The following UBE2H variants were observed in gnomAD, a reference collection of about 807,000 sequenced individuals.
The protein encoded by UBE2H is ubiquitin-conjugating enzyme E2 H.
In UBE2H, 3 loss-of-function variants were observed where a neutral mutation model predicts 29.0. The ratio of observed to expected loss-of-function variants is 0.10; its 90% CI spans 0.05 to 0.27. UBE2H has a LOEUF of 0.27. Among genes scored for constraint, UBE2H ranks in the 10% least tolerant of loss-of-function variants. The pLI is 1.00. For missense variants in UBE2H, 68 were observed against 228.2 expected, an observed-to-expected ratio of 0.30 and a Z score of 4.52; for synonymous variants, 69 against 82.9, an observed-to-expected ratio of 0.83 and a Z score of 0.91.
intron 1 of UBE2H, among the ~76,000 whole-genome samples, chr7:129,894,817 C>A (rs2464894): frequency 1.3e-5 from 2 of 151,384 alleles, no homozygotes; most frequent in African/African-American, 4.9e-5. Context: ...TTTTTAACTT[C>A]TTTTCTCAAA....
At chr7:129,911,934 T>C (rs1013571036) in intron 1 of UBE2H, among the ~76,000 whole-genome samples, 4 of 152,022 alleles carry the variant, frequency 2.6e-5, no homozygotes, top group Admixed American at 2.6e-4. Flanking sequence ...TGAGCCACCA[T>C]ACCGGGTCTA....
chr7:129,867,005 C>T (rs1805917395), intron 3 of UBE2H, among the ~76,000 whole-genome samples: 1 of 152,192 alleles, frequency 6.6e-6, no homozygotes, highest in African/African-American at 2.4e-5. Flanking sequence ...ATCTTACTGT[C>T]TTCATCCTAA....
chr7:129,948,716 T>C (rs2116536064), intron 1 of UBE2H, among the ~76,000 whole-genome samples: 1 of 152,336 alleles, frequency 6.6e-6, no homozygotes, highest in African/African-American at 2.4e-5. Context: ...AGAAGAATCA[T>C]TGAAAACTCT....
chr7:129,892,985 A>G (rs543734022), intron 1 of UBE2H, among the ~76,000 whole-genome samples: 6 of 152,230 alleles, frequency 3.9e-5, no homozygotes, highest in Non-Finnish European at 5.9e-5. Flanking sequence ...CACTTATTTA[A>G]AAATAGCCAT....
At chr7:129,891,214 T>G (rs1408555328) in intron 1 of UBE2H, among the ~76,000 whole-genome samples, 1 of 151,962 alleles carries the variant, frequency 6.6e-6, no homozygotes, top group Admixed American at 6.6e-5. Flanking sequence ...AGACGGAGTT[T>G]CACTCTTGTT....
intron 1 of UBE2H, among the ~76,000 whole-genome samples, chr7:129,919,011 G>C (rs1807100110): frequency 6.6e-6 from 1 of 150,680 alleles, no homozygotes. Context: ...TTGAGCCCGA[G>C]AGGTCGAGGC....
In UBE2H at chr7:129,832,494, A is replaced by G. The variant is rs1301651507; in HGVS notation, c.*2443T>C. ...CTCACACTCTCACACATGTGCACAC[A>G]TACACACACTCTCTCTCTCTGCAGC... On this transcript the variant is annotated 3_prime_UTR_variant, in exon 7 of 7. Transcript: ENST00000355621. The G allele has an allele frequency of 7.6e-5, 1 of 13,146 alleles. No individual in the cohort carries two copies. Among genetic ancestry groups the G allele is most frequent in the African/African-American group, 2.4e-4 (1 of 4,160 alleles). 0.8% of individuals were successfully genotyped at this position (13,146 alleles called of 1,614,324 possible). A position where few individuals can be genotyped will look rare whatever the true frequency, so the allele number is the denominator to read the frequency against.
intron 5 of UBE2H, among the ~76,000 whole-genome samples, chr7:129,855,486 T>C (rs1279151837): frequency 6.6e-6 from 1 of 152,210 alleles, no homozygotes; most frequent in Admixed American, 6.5e-5. Flanking sequence ...TTCTTTCTTG[T>C]TGCCTCAACT....
At chr7:129,903,913 A>G (rs76638101) in intron 1 of UBE2H, among the ~76,000 whole-genome samples, 5 of 152,204 alleles carry the variant, frequency 3.3e-5, no homozygotes, top group Non-Finnish European at 5.9e-5. Context: ...CTTAAAAAAT[A>G]ATAAGTTCTA....
chr7:129,911,836 T>C (rs1806944439), intron 1 of UBE2H, among the ~76,000 whole-genome samples: 1 of 152,036 alleles, frequency 6.6e-6, no homozygotes, highest in Admixed American at 6.6e-5. Context: ...AGGGACGATG[T>C]CTTGATATGT....
chr7:129,883,170 G>A (rs570223235), intron 1 of UBE2H, among the ~76,000 whole-genome samples: 100 of 152,272 alleles, frequency 6.6e-4, no homozygotes, highest in Non-Finnish European at 1.2e-3. Context: ...AGTGGAGTAC[G>A]AATTAGTACT....
At chr7:129,895,387 C>T (rs1806579927) in intron 1 of UBE2H, among the ~76,000 whole-genome samples, 1 of 152,124 alleles carries the variant, frequency 6.6e-6, no homozygotes, top group African/African-American at 2.4e-5. Context: ...GCAGAACCTA[C>T]CTAATCACAG....
intron 1 of UBE2H, among the ~76,000 whole-genome samples, chr7:129,898,994 T>G (rs916618923): frequency 2.0e-5 from 3 of 152,238 alleles, no homozygotes; most frequent in Non-Finnish European, 4.4e-5. Flanking sequence ...CAAACTGTTC[T>G]GTAAATACCT....
At chr7:129,939,874 G>A (rs1431323823) in intron 1 of UBE2H, among the ~76,000 whole-genome samples, 1 of 151,866 alleles carries the variant, frequency 6.6e-6, no homozygotes, top group Non-Finnish European at 1.5e-5. Flanking sequence ...CAGGAGAATC[G>A]CTTGAACCTG....
intron 1 of UBE2H, among the ~76,000 whole-genome samples, chr7:129,926,574 C>T (rs978065472): frequency 3.3e-5 from 5 of 151,870 alleles, no homozygotes; most frequent in African/African-American, 9.7e-5. Context: ...CCTCCTGAGT[C>T]GCTGAAATTA....
chr7:129,906,330 G>A (rs1164218558), intron 1 of UBE2H, among the ~76,000 whole-genome samples: 3 of 151,666 alleles, frequency 2.0e-5, no homozygotes, highest in Admixed American at 6.6e-5. Flanking sequence ...TCAGCCTCCT[G>A]AGTAGCTGGG....
intron 5 of UBE2H, among the ~76,000 whole-genome samples, chr7:129,845,585 G>A (rs1805497821): frequency 6.6e-6 from 1 of 152,166 alleles, no homozygotes. Context: ...TGTTCTGGAG[G>A]GGAACTAAAG....
At chr7:129,893,458 A>G (rs771882407) in intron 1 of UBE2H, among the ~76,000 whole-genome samples, 1 of 152,188 alleles carries the variant, frequency 6.6e-6, no homozygotes, top group Admixed American at 6.5e-5. Context: ...CATCCCCAAC[A>G]AAATATTTTT....
At chr7:129,900,879 T>C (rs1241516817) in intron 1 of UBE2H, among the ~76,000 whole-genome samples, 1 of 151,548 alleles carries the variant, frequency 6.6e-6, no homozygotes, top group African/African-American at 2.4e-5. Flanking sequence ...GCCTCCTGAG[T>C]AGCTGGGACT....
Sources: gnomAD v4.1 joint callset for allele counts (sites outside exome capture counted in the v4.1 genomes callset) on GRCh38, gnomAD v4.1.1 for gene constraint, MANE v1.5 for transcripts, NCBI Gene and HGNC (gene_info 2026-07-23, HGNC 2026-07-21) for gene names.